Variants in GOLM2 observed in about 807,000 individuals in gnomAD.
GOLM2 encodes protein GOLM2.
A neutral mutation model predicts 55.9 loss-of-function variants in GOLM2; 26 were observed. That is an observed-to-expected ratio of 0.47 (90% CI 0.34 to 0.65). The LOEUF (loss-of-function observed/expected upper bound fraction) is 0.65. GOLM2 is among the 30% of genes least tolerant of loss of function. GOLM2 has a pLI of 0.01. For missense variants in GOLM2, 486 were observed against 531.8 expected (o/e 0.91, Z 0.85); for synonymous variants, 165 against 194.6 (o/e 0.85, Z 1.27).
At chr15:44,366,306 A>T (rs2079284500) in intron 6 of GOLM2, among the ~76,000 whole-genome samples, 1 of 149,564 alleles carries the variant, frequency 6.7e-6, no homozygotes. Flanking sequence ...CAAAAAAAAA[A>T]AAAAAAAACA....
chr15:44,299,444 C>A (rs935312223), intron 1 of GOLM2, among the ~76,000 whole-genome samples: 1 of 151,962 alleles, frequency 6.6e-6, no homozygotes, highest in Non-Finnish European at 1.5e-5. Context: ...AGGCACGCAC[C>A]ACCACACCCA....
At chr15:44,394,938 T>C (rs191183353) in intron 8 of GOLM2, among the ~76,000 whole-genome samples, 93 of 152,356 alleles carry the variant, frequency 6.1e-4, no homozygotes, top group Non-Finnish European at 9.1e-4. Context: ...TCTAGGTTTA[T>C]TGTAACTAGC....
chr15:44,289,106 T>C lies in GOLM2; in HGVS notation c.77T>C (p.Val26Ala). 6.2e-7 allele frequency: 1 copy of C among 1,614,132 alleles called. No homozygotes were observed. Among genetic ancestry groups the C allele is most frequent in the Admixed American group, 1.7e-5 (1 of 60,028 alleles). The change falls in exon 1 of 10, where the codon GTC becomes GCC. Residue 26 changes from valine to alanine, a missense_variant. Coordinates refer to ENST00000299957, the MANE Select transcript of GOLM2 (RefSeq NM_138423.4). The surrounding 1 kb of genome is among the most constrained non-coding windows in gnomAD (Gnocchi z 4.8). Reference protein sequence around the residue: ...LVLVVLLVVIVVLAFNYWSIS... With the variant: ...LVLVVLLVVIAVLAFNYWSIS... Reference sequence around the variant, plus strand: ...CTGGTGGTGCTGCTGGTGGTGATCGTCGTCCTCGCCTTCAACTACTGGAGC... The same window carrying C: ...CTGGTGGTGCTGCTGGTGGTGATCGCCGTCCTCGCCTTCAACTACTGGAGC...
At chr15:44,335,956 A>G (rs905168511) in intron 4 of GOLM2, among the ~76,000 whole-genome samples, 11 of 151,422 alleles carry the variant, frequency 7.3e-5, no homozygotes, top group Admixed American at 1.3e-4. Context: ...CTGGGATTAC[A>G]AGCATGCGCC....
chr15:44,398,920 G>A (rs1200581988), intron 8 of GOLM2, among the ~76,000 whole-genome samples: 2 of 151,600 alleles, frequency 1.3e-5, no homozygotes, highest in Non-Finnish European at 2.9e-5. Context: ...CACCCACCTC[G>A]GCCTCCCAAA....
At position 44,399,040 on chromosome 15, in the gene GOLM2, T is replaced by C. The variant is rs184081951; in HGVS notation, c.1073-3847T>C. On this transcript the variant is annotated intron_variant, in intron 8 of 9. Coordinates refer to ENST00000299957, the MANE Select transcript of GOLM2 (RefSeq NM_138423.4). ...ATATAAATCCAGTCAAATTAATCTC[T>C]TTACTATCTTCTAAATACCCCATCT... Among the ~76,000 whole-genome samples the C allele has an allele frequency of 6.6e-5, 10 of 152,294 alleles. No individual in the cohort carries two copies. In the East Asian group the frequency reaches 1.5e-3, roughly 24 times the overall value.
intron 4 of GOLM2, among the ~76,000 whole-genome samples, chr15:44,334,015 G>A (rs181081405): frequency 1.4e-4 from 22 of 152,132 alleles, no homozygotes; most frequent in African/African-American, 4.3e-4. Flanking sequence ...ACGCCCGGCC[G>A]CTCTCTTCTA....
At chr15:44,388,149 G>A (rs772134117) in intron 8 of GOLM2, among the ~76,000 whole-genome samples, 1 of 150,792 alleles carries the variant, frequency 6.6e-6, no homozygotes, top group Non-Finnish European at 1.5e-5. Flanking sequence ...GTTGGTGCAT[G>A]CCTGTAATTC....
intron 4 of GOLM2, among the ~76,000 whole-genome samples, chr15:44,333,975 A>G (rs572784960): frequency 6.6e-6 from 1 of 152,180 alleles, no homozygotes; most frequent in South Asian, 2.1e-4. Flanking sequence ...TCAGCCTCCC[A>G]AAGTGCTGGG....
chr15:44,354,166 C>T (rs1457124271), intron 6 of GOLM2, among the ~76,000 whole-genome samples: 1 of 152,100 alleles, frequency 6.6e-6, no homozygotes, highest in East Asian at 1.9e-4. Flanking sequence ...TTAACCACTT[C>T]ATCCAACAAC....
In GOLM2 at chr15:44,332,077, A is replaced by G. The variant is rs1351865513; in HGVS notation, c.575A>G (p.Lys192Arg). ...KLADQFLEEQ[K>R]QETQKIQSND... ...GCAGACCAGTTTTTAGAGGAACAAA[A>G]GGTAAATTTTAAAAATATACTTAAA... The change falls in exon 4 of 10, where the codon AAG becomes AGG. Residue 192 changes from lysine to arginine, a missense_variant and splice_region_variant. Lys to Arg is a conservative substitution (Grantham distance 26, BLOSUM62 2). Coordinates refer to ENST00000299957, the MANE Select transcript of GOLM2 (RefSeq NM_138423.4). The G allele has an allele frequency of 2.0e-6, 3 of 1,501,128 alleles. No homozygotes were observed. Among genetic ancestry groups the G allele is most frequent in the Non-Finnish European group, 2.7e-6 (3 of 1,093,170 alleles). 93.0% of individuals were successfully genotyped at this position (1,501,128 alleles called of 1,614,324 possible).
At chr15:44,360,437 A>G (rs1158950098) in intron 6 of GOLM2, among the ~76,000 whole-genome samples, 2 of 152,262 alleles carry the variant, frequency 1.3e-5, no homozygotes, top group East Asian at 1.9e-4. Context: ...AAACCAACAA[A>G]GATCAAAAGA....
rs2079668938 is a variant in GOLM2, at chr15:44,415,649, T to G, written c.*2243T>G. 1 of 152,620 alleles carries G rather than the reference T, an allele frequency of 6.6e-6. No individual in the cohort carries two copies. Among genetic ancestry groups the G allele is most frequent in the Non-Finnish European group, 1.5e-5 (1 of 68,032 alleles). The allele number at this position is 152,620 out of a possible 1,614,324, so 9.5% of individuals were successfully genotyped here. ...ATAATGTTTTACTTCTGCCTTAAGA[T>G]TTAGGTTTTTTAAATGTATTTTTGC... On this transcript the variant is annotated 3_prime_UTR_variant, in exon 10 of 10. Coordinates refer to ENST00000299957, the MANE Select transcript of GOLM2 (RefSeq NM_138423.4).
intron 4 of GOLM2, among the ~76,000 whole-genome samples, chr15:44,335,758 G>A (rs2079051860): frequency 6.6e-6 from 1 of 151,432 alleles, no homozygotes; most frequent in South Asian, 2.1e-4. Flanking sequence ...GAAAGACTGT[G>A]GTTAGAATTC....
chr15:44,385,537 C>T (rs188096928), intron 8 of GOLM2, among the ~76,000 whole-genome samples: 2 of 151,912 alleles, frequency 1.3e-5, no homozygotes, highest in East Asian at 3.9e-4. Context: ...CTTTCAAGAC[C>T]TTTGTCCTTT....
chr15:44,403,373 G>A (rs531147157), intron 9 of GOLM2, among the ~76,000 whole-genome samples: 10 of 152,134 alleles, frequency 6.6e-5, no homozygotes, highest in Admixed American at 6.6e-5. Flanking sequence ...TGTTGGTCAG[G>A]CTGGTCTCAA....
chr15:44,380,678 A>G (rs1321460481), intron 7 of GOLM2, 128 bp from the exon 8 acceptor site: 5 of 594,898 alleles, frequency 8.4e-6, no homozygotes, highest in Non-Finnish European at 1.3e-5. Context: ...AAAAAAAAAA[A>G]AAAGCTTTGT....
rs982989583 is a variant in GOLM2 at position 44,376,499 on chromosome 15, T to A, written c.803-3191T>A. On this transcript the variant is annotated intron_variant, in intron 6 of 9. Coordinates refer to ENST00000299957, the MANE Select transcript of GOLM2 (RefSeq NM_138423.4). ...CTGGGCTCAAATGATCTTCCTGCCTTGGCCTCCTAAAATATTGGGATTACA... is the reference window on the plus strand; with the variant it reads ...CTGGGCTCAAATGATCTTCCTGCCTAGGCCTCCTAAAATATTGGGATTACA... Among the ~76,000 whole-genome samples the A allele has an allele frequency of 1.3e-3, 199 of 152,278 alleles. 1 individual carries two copies. Among genetic ancestry groups the A allele is most frequent in the African/African-American group, 4.6e-3 (190 of 41,566 alleles).
intron 6 of GOLM2, among the ~76,000 whole-genome samples, chr15:44,347,645 C>T (rs181912584): frequency 9.2e-5 from 14 of 152,228 alleles, no homozygotes; most frequent in Admixed American, 4.6e-4. Flanking sequence ...ACTGCAACCC[C>T]CAGGCAAGTA....
Sources: gnomAD v4.1 joint callset for allele counts (sites outside exome capture counted in the v4.1 genomes callset) on GRCh38, gnomAD v4.1.1 for gene constraint, Gnocchi (gnomAD v3.1) non-coding constraint, MANE v1.5 for transcripts, NCBI Gene and HGNC (gene_info 2026-07-23, HGNC 2026-07-21) for gene names.